NEGR1: variants seen among roughly 807,000 people sequenced by gnomAD.
The protein encoded by NEGR1 is IgLON family member 4.
In NEGR1, 10 loss-of-function variants were observed where a neutral mutation model predicts 40.9. The observed-to-expected ratio is 0.24, with a 90% confidence interval of 0.15 to 0.42. The LOEUF is 0.42. Among genes scored for constraint, NEGR1 ranks in the 10% least tolerant of loss-of-function variants. The probability of loss-of-function intolerance (pLI) is 1.00; values close to 1 mark genes in which losing one functional copy is unlikely to be tolerated. For synonymous variants in NEGR1, 185 were observed against 166.8 expected, an observed-to-expected ratio of 1.11 and a Z score of -0.84; for missense variants, 352 against 438.9, an observed-to-expected ratio of 0.80 and a Z score of 1.77.
intron 1 of NEGR1, among the ~76,000 whole-genome samples, chr1:72,008,744 C>T (rs551798249): frequency 6.6e-6 from 1 of 151,996 alleles, no homozygotes; most frequent in South Asian, 2.1e-4. Context: ...CTTGTCCTAA[C>T]AGGTGACTGA....
At chr1:71,712,192 T>C (rs1039138012) in intron 3 of NEGR1, among the ~76,000 whole-genome samples, 44 of 152,326 alleles carry the variant, frequency 2.9e-4, no homozygotes, top group African/African-American at 9.9e-4. Flanking sequence ...CAAAAGCATA[T>C]TGATATACTA....
At chr1:72,081,508 A>G (rs1050159919) in intron 1 of NEGR1, among the ~76,000 whole-genome samples, 4 of 152,062 alleles carry the variant, frequency 2.6e-5, no homozygotes, top group Non-Finnish European at 5.9e-5. Flanking sequence ...CCACATTTTA[A>G]AGTTATATGT....
chr1:71,920,430 A>C (rs1202742182), intron 2 of NEGR1, among the ~76,000 whole-genome samples: 1 of 152,126 alleles, frequency 6.6e-6, no homozygotes, highest in African/African-American at 2.4e-5. Flanking sequence ...CTTGTAATTA[A>C]ACCTCAAGCC....
intron 1 of NEGR1, among the ~76,000 whole-genome samples, chr1:71,971,737 C>A (rs1433573627): frequency 6.6e-6 from 1 of 152,148 alleles, no homozygotes; most frequent in African/African-American, 2.4e-5. Flanking sequence ...GGCCAAATGA[C>A]TACACACATT....
At chr1:71,719,355 A>G (rs1654378057) in intron 3 of NEGR1, among the ~76,000 whole-genome samples, 1 of 152,198 alleles carries the variant, frequency 6.6e-6, no homozygotes, top group Non-Finnish European at 1.5e-5. Flanking sequence ...AGAACAATAG[A>G]ACAAATAAGC....
At chr1:71,728,260 A>G (rs999385573) in intron 3 of NEGR1, among the ~76,000 whole-genome samples, 31 of 152,192 alleles carry the variant, frequency 2.0e-4, no homozygotes, top group African/African-American at 7.2e-4. Context: ...TACAACCAAC[A>G]TCCAGAAGTA....
At chr1:71,452,805 CAAAAAAAAACCA>C (rs977424277) in intron 6 of NEGR1, among the ~76,000 whole-genome samples, 12 of 22,750 alleles carry the variant, frequency 5.3e-4, no homozygotes, top group African/African-American at 8.9e-4. Flanking sequence ...AACAAAGAAA[CAAAAAAAAACCA>C]AAAAAAAAAC....
rs1331738402 is a variant in NEGR1, at chr1:71,593,040, G to GT, written c.789-73dup. On this transcript the variant is annotated intron_variant, in intron 5 of 6. Coordinates refer to ENST00000357731, the MANE Select transcript of NEGR1 (RefSeq NM_173808.3). ...GTTTCATTTTTTTATCTTAGCTGGG[G>GT]TTGTCATGGCAACCCATAGACAATT... The GT allele has an allele frequency of 3.8e-5, 42 of 1,095,704 alleles. No homozygotes were observed. The Admixed American group carries it at 7.9e-4, about 21-fold the overall frequency. The allele number at this position is 1,095,704 out of a possible 1,614,324, so 67.9% of individuals were successfully genotyped here.
intron 3 of NEGR1, among the ~76,000 whole-genome samples, chr1:71,712,949 C>G (rs1014304870): frequency 1.3e-5 from 2 of 152,210 alleles, no homozygotes; most frequent in African/African-American, 4.8e-5. Context: ...TGAGACTTCT[C>G]AGCCATGCTT....
chr1:72,077,779 C>A (rs1036001125), intron 1 of NEGR1, among the ~76,000 whole-genome samples: 4 of 151,896 alleles, frequency 2.6e-5, no homozygotes, highest in Admixed American at 2.6e-4. Flanking sequence ...TGCTATTGCT[C>A]TCCAGCAAGT....
At chr1:71,837,512 A>AT (rs999015208) in intron 2 of NEGR1, among the ~76,000 whole-genome samples, 3 of 152,040 alleles carry the variant, frequency 2.0e-5, no homozygotes, top group East Asian at 3.9e-4. Context: ...AAATACATTC[A>AT]TTTTTTGTCT....
intron 2 of NEGR1, among the ~76,000 whole-genome samples, chr1:71,788,606 C>T (rs1656996235): frequency 6.6e-6 from 1 of 151,958 alleles, no homozygotes; most frequent in African/African-American, 2.4e-5. Flanking sequence ...GCCTTGATTT[C>T]CAGCAAGAGG....
At chr1:71,866,121 C>A (rs1018496744) in intron 2 of NEGR1, among the ~76,000 whole-genome samples, 2 of 151,856 alleles carry the variant, frequency 1.3e-5, no homozygotes, top group Non-Finnish European at 2.9e-5. Flanking sequence ...TTTCCCTTTA[C>A]TTAAAGGAAA....
intron 4 of NEGR1, among the ~76,000 whole-genome samples, chr1:71,619,061 T>A (rs1650534289): frequency 6.6e-6 from 1 of 152,130 alleles, no homozygotes; most frequent in South Asian, 2.1e-4. Context: ...AGGAGAAGGC[T>A]TCAATTATTT....
intron 1 of NEGR1, among the ~76,000 whole-genome samples, chr1:72,056,091 A>C (rs1404784265): frequency 6.6e-6 from 1 of 151,170 alleles, no homozygotes; most frequent in Non-Finnish European, 1.5e-5. Flanking sequence ...GAGAGATCTA[A>C]GTACTACATA....
chr1:72,183,041 T>C (rs566507614), intron 1 of NEGR1, among the ~76,000 whole-genome samples: 4 of 152,228 alleles, frequency 2.6e-5, no homozygotes, highest in African/African-American at 9.6e-5. Flanking sequence ...TGTCTCCTTA[T>C]TCAGTATTAC....
At chr1:72,226,625 T>G (rs1027928601) in intron 1 of NEGR1, among the ~76,000 whole-genome samples, 2 of 152,046 alleles carry the variant, frequency 1.3e-5, no homozygotes, top group Non-Finnish European at 2.9e-5. Flanking sequence ...CCATTGGTGA[T>G]AACCATCACT....
At chr1:71,684,676 G>A (rs1212082299) in intron 4 of NEGR1, among the ~76,000 whole-genome samples, 1 of 152,192 alleles carries the variant, frequency 6.6e-6, no homozygotes, top group African/African-American at 2.4e-5. Flanking sequence ...GGAAGATGAA[G>A]TATCAGAATG....
chr1:72,077,561 T>TG (rs1647797028), intron 1 of NEGR1, among the ~76,000 whole-genome samples: 1 of 151,898 alleles, frequency 6.6e-6, no homozygotes, highest in South Asian at 2.1e-4. Context: ...AGGCTGAAGT[T>TG]GGGGTATGGC....
Sources: allele counts gnomAD v4.1 joint callset (sites outside exome capture counted in the v4.1 genomes callset), GRCh38; gene constraint gnomAD v4.1.1; transcripts MANE v1.5; gene names NCBI Gene and HGNC (gene_info 2026-07-23, HGNC 2026-07-21).